NRG2: variants seen among roughly 807,000 people sequenced by gnomAD.
NRG2 encodes pro-neuregulin-2, membrane-bound isoform.
Under a neutral mutation model 73.9 loss-of-function variants are expected in NRG2, and 27 were observed. That is an observed-to-expected ratio of 0.37 (90% CI 0.27 to 0.50). The LOEUF (loss-of-function observed/expected upper bound fraction) is 0.50. NRG2 is among the 20% of genes least tolerant of loss of function. The pLI is 0.96. For synonymous variants in NRG2, 532 were observed against 541.0 expected (o/e 0.98, Z 0.23); for missense variants, 1,126 against 1,210.1 (o/e 0.93, Z 1.03).
At chr5:139,935,725 C>T (rs867750086) in intron 1 of NRG2, among the ~76,000 whole-genome samples, 1 of 151,840 alleles carries the variant, frequency 6.6e-6, no homozygotes, top group South Asian at 2.1e-4. Context: ...TTTGGGAGGC[C>T]GAGGTGGGTG....
At chr5:140,023,820 G>C (rs956099043) in intron 1 of NRG2, among the ~76,000 whole-genome samples, 4 of 152,178 alleles carry the variant, frequency 2.6e-5, no homozygotes, top group Non-Finnish European at 4.4e-5. Flanking sequence ...TGTTCTTTCT[G>C]TTGACAAACG....
At chr5:140,016,746 G>A (rs1759814022) in intron 1 of NRG2, among the ~76,000 whole-genome samples, 1 of 152,260 alleles carries the variant, frequency 6.6e-6, no homozygotes, top group African/African-American at 2.4e-5. Flanking sequence ...GAGCTCGGAA[G>A]GGCAGAGAGC....
chr5:139,934,333 T>C (rs1159794595), intron 1 of NRG2, among the ~76,000 whole-genome samples: 1 of 152,114 alleles, frequency 6.6e-6, no homozygotes, highest in Non-Finnish European at 1.5e-5. Flanking sequence ...AGAAGTAAAA[T>C]GTATGACAAC....
intron 1 of NRG2, among the ~76,000 whole-genome samples, chr5:140,002,210 T>G (rs1038717685): frequency 6.6e-6 from 1 of 152,104 alleles, no homozygotes; most frequent in African/African-American, 2.4e-5. Flanking sequence ...AATAAATAAA[T>G]ATTAGAGCTG....
intron 1 of NRG2, among the ~76,000 whole-genome samples, chr5:139,957,307 CTGTGTGTGTG>C (rs70988722): frequency 0.043 from 6,227 of 143,950 alleles, 132 homozygotes; most frequent in African/African-American, 0.052. Context: ...TCAAGAATCT[CTGTGTGTGTG>C]TGTGTGTGTG....
intron 1 of NRG2, among the ~76,000 whole-genome samples, chr5:139,932,420 T>A (rs544771616): frequency 9.6e-5 from 14 of 145,578 alleles, no homozygotes; most frequent in South Asian, 2.1e-4. Flanking sequence ...ATTTTTTTTT[T>A]TAAAAAAAGC....
At chr5:139,996,972 C>T (rs1223914130) in intron 1 of NRG2, among the ~76,000 whole-genome samples, 2 of 152,044 alleles carry the variant, frequency 1.3e-5, no homozygotes, top group Non-Finnish European at 2.9e-5. Flanking sequence ...GAAACCCTGT[C>T]TCTACTAAAA....
At chr5:139,936,661 C>T (rs1371971712) in intron 1 of NRG2, among the ~76,000 whole-genome samples, 1 of 152,096 alleles carries the variant, frequency 6.6e-6, no homozygotes, top group Non-Finnish European at 1.5e-5. Context: ...TTCTATGAGG[C>T]TGGTATTGCT....
rs1761157005 is a variant in NRG2, at chr5:139,848,368, G to GGCAGGCTGC, written c.2093_2101dup (p.Leu700_Pro701insArgSerLeu). 3 of 1,240,330 alleles carry GGCAGGCTGC rather than the reference G, an allele frequency of 2.4e-6. No individual in the cohort carries two copies. The Admixed American group carries it at 1.3e-4, about 54-fold the overall frequency. 76.8% of individuals were successfully genotyped at this position (1,240,330 alleles called of 1,614,324 possible). A position where few individuals can be genotyped will look rare whatever the true frequency, so the allele number is the denominator to read the frequency against. ...CTCGGGGATGCGGAAGGGGCTGGCA[G>GGCAGGCTGC]GCAGGCTGCCCAGGCTGCCGCCGAG... On this transcript the variant is annotated inframe_insertion, in exon 10 of 10. Coordinates refer to ENST00000361474, the MANE Select transcript of NRG2 (RefSeq NM_004883.3).
intron 1 of NRG2, among the ~76,000 whole-genome samples, chr5:140,035,014 G>C (rs1761403442): frequency 6.6e-6 from 1 of 152,166 alleles, no homozygotes; most frequent in African/African-American, 2.4e-5. Context: ...TTGAGCTCAG[G>C]AGTTCAAGAC....
chr5:140,007,769 A>G (rs924028868), intron 1 of NRG2, among the ~76,000 whole-genome samples: 2 of 152,214 alleles, frequency 1.3e-5, no homozygotes, highest in Non-Finnish European at 2.9e-5. Flanking sequence ...TTTCAAGGGA[A>G]GACAGATATT....
rs77206686 is a variant in NRG2 at position 139,999,953 on chromosome 5, A to T, written c.700+42417T>A. 2.6e-3 allele frequency among the ~76,000 whole-genome samples: 393 copies of T among 152,324 alleles called. 5 individuals carry two copies. Among genetic ancestry groups the T allele is most frequent in the African/African-American group, 8.6e-3 (359 of 41,564 alleles). ...AGGAAGAAACATCAAACTATTAGCC[A>T]GAGCTCTCGCTAAGTGATGGGATGA... On this transcript the variant is annotated intron_variant, in intron 1 of 9. Coordinates refer to ENST00000361474, the MANE Select transcript of NRG2 (RefSeq NM_004883.3).
At position 139,915,619 on chromosome 5, in the gene NRG2, A is replaced by G. The variant is rs1189922115; in HGVS notation, c.701-28108T>C. Among the ~76,000 whole-genome samples the G allele has an allele frequency of 2.0e-5, 3 of 152,258 alleles. No individual in the cohort carries two copies. The highest frequency in any genetic ancestry group is 4.8e-5 in the African/African-American group (2 of 41,470). ...TGTCAGGCTGCACTGCCTGATCTAC[A>G]GGTGTTTTCTCCGTATATTGTCTGT... On this transcript the variant is annotated intron_variant, in intron 1 of 9. Transcript: ENST00000361474. This position sits in a 1 kb window ranked among gnomAD's most constrained non-coding sequence, Gnocchi z 4.0.
intron 3 of NRG2, among the ~76,000 whole-genome samples, chr5:139,877,310 C>G (rs981266228): frequency 3.3e-5 from 5 of 152,228 alleles, no homozygotes; most frequent in Non-Finnish European, 5.9e-5. Flanking sequence ...GGAAGGAGCC[C>G]TGGGCTCCAC....
chr5:139,967,974 AAAATAAATAAATAAAT>A (rs58017535), intron 1 of NRG2, among the ~76,000 whole-genome samples: 50 of 144,502 alleles, frequency 3.5e-4, no homozygotes, highest in Admixed American at 8.3e-4. Flanking sequence ...ATAAAACATA[AAAATAAATAAATAAAT>A]AAATAAATAA....
At chr5:139,949,261 T>C (rs185044069) in intron 1 of NRG2, among the ~76,000 whole-genome samples, 14 of 152,288 alleles carry the variant, frequency 9.2e-5, no homozygotes, top group Non-Finnish European at 1.8e-4. Context: ...CAATACATTA[T>C]TCCACAGACA....
intron 1 of NRG2, among the ~76,000 whole-genome samples, chr5:139,913,732 C>A (rs1157471859): frequency 1.3e-5 from 2 of 152,234 alleles, no homozygotes; most frequent in Admixed American, 6.5e-5. Flanking sequence ...AGCTTACAAT[C>A]TAGAGGGAGG....
rs1581911444 is a variant in NRG2, at chr5:139,904,607, G to A, written c.701-17096C>T. On this transcript the variant is annotated intron_variant, in intron 1 of 9. Coordinates refer to ENST00000361474, the MANE Select transcript of NRG2 (RefSeq NM_004883.3). This position sits in a 1 kb window ranked among gnomAD's most constrained non-coding sequence, Gnocchi z 6.0. ...CCGGCTCGGGCCGCGGGGGCGTGTG[G>A]GCGGCCGGTCTGGGCCCTAGGCCCC... Among the ~76,000 whole-genome samples the A allele has an allele frequency of 6.6e-6, 1 of 152,122 alleles. No individual in the cohort carries two copies. The highest frequency in any genetic ancestry group is 2.1e-4 in the South Asian group (1 of 4,832).
intron 1 of NRG2, among the ~76,000 whole-genome samples, chr5:140,029,647 C>T (rs939216189): frequency 2.0e-4 from 27 of 136,204 alleles, no homozygotes; most frequent in East Asian, 1.5e-3. Flanking sequence ...GAGATCGTAC[C>T]ACTGCACTCC....
Sources: gnomAD v4.1 joint callset for allele counts (sites outside exome capture counted in the v4.1 genomes callset) on GRCh38, gnomAD v4.1.1 for gene constraint, Gnocchi (gnomAD v3.1) non-coding constraint, MANE v1.5 for transcripts, NCBI Gene and HGNC (gene_info 2026-07-23, HGNC 2026-07-21) for gene names.